The following MAP2K1 variants were observed in gnomAD, a reference collection of about 807,000 sequenced individuals.
MAP2K1 encodes the protein dual specificity mitogen-activated protein kinase kinase 1.
MAP2K1 carries 16 observed loss-of-function variants against 46.3 expected under a neutral mutation model. The ratio of observed to expected loss-of-function variants is 0.35; its 90% CI spans 0.23 to 0.52. The LOEUF (loss-of-function observed/expected upper bound fraction) is 0.52, where lower values mean the gene tolerates loss of function less well. Ranked by LOEUF, MAP2K1 falls within the 20% of genes least tolerant of loss-of-function variation. The pLI, the probability that MAP2K1 is intolerant of heterozygous loss-of-function variation, is 0.94. For synonymous variants in MAP2K1, 183 were observed against 185.6 expected, an observed-to-expected ratio of 0.99 and a Z score of 0.11; for missense variants, 263 against 497.1, an observed-to-expected ratio of 0.53 and a Z score of 4.48.
chr15:66,444,053 C>T (rs891248508), intron 4 of MAP2K1, among the ~76,000 whole-genome samples: 1 of 152,088 alleles, frequency 6.6e-6, no homozygotes, highest in Non-Finnish European at 1.5e-5. Context: ...GCCTGACCAA[C>T]ATGGAGAAAC....
chr15:66,469,413 C>T (rs1405212786), intron 5 of MAP2K1, among the ~76,000 whole-genome samples: 1 of 148,182 alleles, frequency 6.7e-6, no homozygotes, highest in Non-Finnish European at 1.5e-5. Flanking sequence ...CTTGTTTATA[C>T]TCTTGGGGAG....
intron 5 of MAP2K1, among the ~76,000 whole-genome samples, chr15:66,476,379 A>G (rs552434473): frequency 6.6e-6 from 1 of 152,356 alleles, no homozygotes; most frequent in Non-Finnish European, 1.5e-5. Flanking sequence ...TGCTAGGAGA[A>G]TGTGAGAGGA....
At chr15:66,418,832 G>C (rs1241221158) in intron 1 of MAP2K1, among the ~76,000 whole-genome samples, 1 of 151,454 alleles carries the variant, frequency 6.6e-6, no homozygotes, top group Non-Finnish European at 1.5e-5. Flanking sequence ...GTTTTTAGTA[G>C]AGAGAGGGTT....
At chr15:66,482,753 G>A (rs934650373) in intron 6 of MAP2K1, among the ~76,000 whole-genome samples, 1 of 152,132 alleles carries the variant, frequency 6.6e-6, no homozygotes, top group African/African-American at 2.4e-5. Context: ...TGAGTGGGAG[G>A]GTACATGGAT....
chr15:66,463,539 A>G (rs1282051010), intron 5 of MAP2K1, among the ~76,000 whole-genome samples: 2 of 152,060 alleles, frequency 1.3e-5, no homozygotes, highest in Non-Finnish European at 2.9e-5. Context: ...CTGGAGTGCA[A>G]TGGTGCGATC....
rs146795678 is a variant in MAP2K1 at position 66,408,887 on chromosome 15, G to A, written c.80+21460G>A. Among the ~76,000 whole-genome samples, 338 of 152,168 alleles carry A rather than the reference G, an allele frequency of 2.2e-3. 1 individual carries two copies. The highest frequency in any genetic ancestry group is 3.6e-3 in the Non-Finnish European group (243 of 68,010). ...GCAGCGGTCATCTGCTCCACCCTCCGGAGCACTCTGTACATATTCCATCAC... is the reference window on the plus strand; with the variant it reads ...GCAGCGGTCATCTGCTCCACCCTCCAGAGCACTCTGTACATATTCCATCAC... On this transcript the variant is annotated intron_variant, in intron 1 of 10. Transcript: ENST00000307102.
intron 1 of MAP2K1, among the ~76,000 whole-genome samples, chr15:66,403,703 A>G (rs943906492): frequency 2.0e-5 from 3 of 152,182 alleles, no homozygotes; most frequent in Admixed American, 1.3e-4. Context: ...AAATGAGTCA[A>G]TCGTTGTTTT....
chr15:66,395,204 C>T (rs1292878825), intron 1 of MAP2K1, among the ~76,000 whole-genome samples: 2 of 151,956 alleles, frequency 1.3e-5, no homozygotes, highest in Non-Finnish European at 2.9e-5. Flanking sequence ...CAGTATATGC[C>T]TATGATGAAG....
At chr15:66,393,234 G>C (rs2140518260) in intron 1 of MAP2K1, among the ~76,000 whole-genome samples, 1 of 151,312 alleles carries the variant, frequency 6.6e-6, no homozygotes, top group Admixed American at 6.6e-5. Context: ...CTGGAGTGCA[G>C]TGTTGCAATC....
At chr15:66,417,455 C>T (rs1478962198) in intron 1 of MAP2K1, among the ~76,000 whole-genome samples, 1 of 152,052 alleles carries the variant, frequency 6.6e-6, no homozygotes, top group Non-Finnish European at 1.5e-5. Context: ...GCCTGTAGTC[C>T]AGTTACTTGA....
chr15:66,412,679 A>T (rs1260989214), intron 1 of MAP2K1, among the ~76,000 whole-genome samples: 1 of 152,084 alleles, frequency 6.6e-6, no homozygotes. Flanking sequence ...AAATATTCTT[A>T]TGGCAATTTT....
At chr15:66,425,203 G>T (rs942463718) in intron 1 of MAP2K1, among the ~76,000 whole-genome samples, 5 of 152,092 alleles carry the variant, frequency 3.3e-5, no homozygotes, top group African/African-American at 1.2e-4. Flanking sequence ...CCTTGTATCT[G>T]CGGCAGGTCT....
chr15:66,448,549 C>G (rs1327845143), intron 5 of MAP2K1, among the ~76,000 whole-genome samples: 1 of 152,150 alleles, frequency 6.6e-6, no homozygotes, highest in Non-Finnish European at 1.5e-5. Context: ...TGCAAGTGTT[C>G]CCTCTCATTT....
chr15:66,478,460 ATATATATATATATACAGGTG>A (rs1206178524), intron 5 of MAP2K1, among the ~76,000 whole-genome samples: 37 of 130,174 alleles, frequency 2.8e-4, no homozygotes, highest in African/African-American at 9.7e-4. Context: ...ATATACAGGT[ATATATATATATATACAGGTG>A]TATATATAGA....
chr15:66,449,462 G>A (rs1471288218), intron 5 of MAP2K1, among the ~76,000 whole-genome samples: 2 of 152,060 alleles, frequency 1.3e-5, no homozygotes, highest in East Asian at 1.9e-4. Context: ...TTAGAGGTAG[G>A]GATAGTTTAA....
Position 66,490,842 on chromosome 15 carries a change from AT to A in MAP2K1, c.*230del, listed in dbSNP as rs1230847663. ...GTGGATTGGCTTTGTGCTTGGGGCT[AT>A]TTGTGTGTATGCTGATGATCAAAAC... On this transcript the variant is annotated 3_prime_UTR_variant, in exon 11 of 11. Transcript: ENST00000307102. 3.3e-6 allele frequency: 2 copies of A among 605,818 alleles called. No homozygotes were observed. Among genetic ancestry groups the A allele is most frequent in the Non-Finnish European group, 6.1e-6 (2 of 330,336 alleles). 37.5% of individuals were successfully genotyped at this position (605,818 alleles called of 1,614,324 possible).
chr15:66,475,243 C>T (rs1343186528), intron 5 of MAP2K1, among the ~76,000 whole-genome samples: 1 of 152,206 alleles, frequency 6.6e-6, no homozygotes, highest in Non-Finnish European at 1.5e-5. Flanking sequence ...CCCTTTCTCT[C>T]TGTTTCTTCA....
At chr15:66,454,051 AC>A (rs1432434226) in intron 5 of MAP2K1, among the ~76,000 whole-genome samples, 1 of 152,156 alleles carries the variant, frequency 6.6e-6, no homozygotes, top group African/African-American at 2.4e-5. Flanking sequence ...ACAGTTTATT[AC>A]TTTTTCTGTG....
intron 10 of MAP2K1, 192 bp from the exon 11 acceptor site, chr15:66,490,310 A>C: frequency 1.4e-6 from 1 of 696,692 alleles, no homozygotes; most frequent in East Asian, 2.7e-5. Context: ...CCAAGGCCTC[A>C]CAGCTGCTGT....
Sources: gnomAD v4.1 joint callset for allele counts (sites outside exome capture counted in the v4.1 genomes callset) on GRCh38, gnomAD v4.1.1 for gene constraint, MANE v1.5 for transcripts, NCBI Gene and HGNC (gene_info 2026-07-23, HGNC 2026-07-21) for gene names.